NAALADL2: variants seen among roughly 807,000 people sequenced by gnomAD.
The protein encoded by NAALADL2 is N-acetylated alpha-linked acidic dipeptidase like 2.
In NAALADL2, 76 loss-of-function variants were observed where a neutral mutation model predicts 87.2. The observed-to-expected ratio is 0.87, with a 90% CI of 0.72 to 1.05. NAALADL2 has a LOEUF of 1.05. Among genes scored for constraint, NAALADL2 ranks in the 50% least tolerant of loss-of-function variants. The pLI, the probability that NAALADL2 is intolerant of heterozygous loss-of-function variation, is 0.00. For missense variants in NAALADL2, 1,089 were observed against 945.8 expected (o/e 1.15, Z -1.99); for synonymous variants, 354 against 331.0 (o/e 1.07, Z -0.75).
intron 1 of NAALADL2, among the ~76,000 whole-genome samples, chr3:174,447,227 G>T (rs1715125561): frequency 2.0e-5 from 3 of 152,032 alleles, no homozygotes; most frequent in Admixed American, 1.3e-4. Context: ...TATCTTCTAA[G>T]AATTTTTCCA....
At chr3:175,416,359 T>C (rs773393836) in intron 5 of NAALADL2, among the ~76,000 whole-genome samples, 1 of 152,160 alleles carries the variant, frequency 6.6e-6, no homozygotes, top group African/African-American at 2.4e-5. Flanking sequence ...AGTTTTTTAA[T>C]TGGATATAGC....
intron 5 of NAALADL2, among the ~76,000 whole-genome samples, chr3:175,379,542 T>C (rs558288083): frequency 1.3e-5 from 2 of 151,884 alleles, no homozygotes; most frequent in African/African-American, 2.4e-5. Context: ...TTTTTTTTTT[T>C]CCTTTTTTTA....
At chr3:174,648,083 AG>A (rs1488322039) in intron 2 of NAALADL2, among the ~76,000 whole-genome samples, 1 of 152,196 alleles carries the variant, frequency 6.6e-6, no homozygotes, top group East Asian at 1.9e-4. Context: ...AAAAAGAAAA[AG>A]GGGAAGTACA....
At chr3:174,827,627 T>C (rs1722150209) in intron 3 of NAALADL2, among the ~76,000 whole-genome samples, 1 of 152,240 alleles carries the variant, frequency 6.6e-6, no homozygotes. Context: ...TATGCAACTT[T>C]ATTTATCTCT....
chr3:174,620,965 C>G (rs997952351), intron 2 of NAALADL2, among the ~76,000 whole-genome samples: 2 of 151,960 alleles, frequency 1.3e-5, no homozygotes, highest in Non-Finnish European at 2.9e-5. Flanking sequence ...ATTTTTGACA[C>G]TTTATTTTAC....
At chr3:174,813,149 C>A (rs1441308311) in intron 3 of NAALADL2, among the ~76,000 whole-genome samples, 1 of 152,126 alleles carries the variant, frequency 6.6e-6, no homozygotes, top group Non-Finnish European at 1.5e-5. Flanking sequence ...GTGTCCTATA[C>A]AGGTGTACTG....
chr3:175,327,921 A>T (rs576304362), intron 5 of NAALADL2, among the ~76,000 whole-genome samples: 7 of 152,328 alleles, frequency 4.6e-5, no homozygotes, highest in African/African-American at 1.7e-4. Flanking sequence ...TGCATAATAG[A>T]TGGTGATGGC....
chr3:175,410,544 G>C (rs1713310643), intron 5 of NAALADL2, among the ~76,000 whole-genome samples: 1 of 151,928 alleles, frequency 6.6e-6, no homozygotes, highest in Non-Finnish European at 1.5e-5. Flanking sequence ...AAAGCACTGG[G>C]AAACGTGAGC....
intron 1 of NAALADL2, among the ~76,000 whole-genome samples, chr3:174,950,684 TG>T (rs1740211794): frequency 6.6e-6 from 1 of 152,094 alleles, no homozygotes; most frequent in Non-Finnish European, 1.5e-5. Flanking sequence ...TTGTTTTAAT[TG>T]TCAATAATTT....
At chr3:175,137,767 TTTG>T (rs1182424609) in intron 2 of NAALADL2, among the ~76,000 whole-genome samples, 1 of 10,870 alleles carries the variant, frequency 9.2e-5, no homozygotes, top group Non-Finnish European at 3.8e-4. Flanking sequence ...CCCAGCTAAG[TTTG>T]TTTTGTTTTG....
chr3:175,803,229 T>C lies in NAALADL2; in HGVS notation c.*26T>C. 2 of 1,528,338 alleles carry C rather than the reference T, an allele frequency of 1.3e-6. No individual in the cohort carries two copies. The highest frequency in any genetic ancestry group is 1.8e-6 in the Non-Finnish European group (2 of 1,127,518). The allele number at this position is 1,528,338 out of a possible 1,614,324, so 94.7% of individuals were successfully genotyped here. ...GAAAACTCTGAGCATTTTTAAAAGTTTGTTTACAATTCCACAAGCAAAAGC... is the reference window on the plus strand; with the variant it reads ...GAAAACTCTGAGCATTTTTAAAAGTCTGTTTACAATTCCACAAGCAAAAGC... On this transcript the variant is annotated 3_prime_UTR_variant, in exon 14 of 14. Coordinates refer to ENST00000454872, the MANE Select transcript of NAALADL2 (RefSeq NM_207015.3).
intron 1 of NAALADL2, among the ~76,000 whole-genome samples, chr3:174,513,901 C>A (rs1719761772): frequency 6.6e-6 from 1 of 152,192 alleles, no homozygotes; most frequent in Non-Finnish European, 1.5e-5. Flanking sequence ...CCTTCAGCGT[C>A]ATGTCTTGCC....
At chr3:175,566,001 T>C (rs1418326643) in intron 9 of NAALADL2, among the ~76,000 whole-genome samples, 1 of 151,970 alleles carries the variant, frequency 6.6e-6, no homozygotes, top group African/African-American at 2.4e-5. Context: ...AGCTAATTTT[T>C]GTATTTTTAG....
chr3:174,533,526 G>C (rs1274540154), intron 1 of NAALADL2, among the ~76,000 whole-genome samples: 1 of 151,774 alleles, frequency 6.6e-6, no homozygotes, highest in Non-Finnish European at 1.5e-5. Context: ...CCACAAAAAT[G>C]CTGGTGAATA....
At chr3:174,806,360 G>A (rs759394523) in intron 3 of NAALADL2, among the ~76,000 whole-genome samples, 2 of 152,186 alleles carry the variant, frequency 1.3e-5, no homozygotes, top group African/African-American at 4.8e-5. Flanking sequence ...GGGCCAAGAA[G>A]GCCAGGTCTT....
chr3:175,736,480 A>C, intron 11 of NAALADL2, among the ~76,000 whole-genome samples: 1 of 152,340 alleles, frequency 6.6e-6, no homozygotes, highest in Middle Eastern at 3.4e-3. Flanking sequence ...CACACCAAAC[A>C]AAGAGTCTGT....
chr3:175,078,256 C>A (rs1204644400), intron 1 of NAALADL2, among the ~76,000 whole-genome samples: 2 of 152,072 alleles, frequency 1.3e-5, no homozygotes, highest in African/African-American at 4.8e-5. Flanking sequence ...AACTCCCGAC[C>A]TCAAGTGATC....
chr3:174,754,814 C>G (rs1230232983), intron 3 of NAALADL2, among the ~76,000 whole-genome samples: 2 of 152,146 alleles, frequency 1.3e-5, no homozygotes, highest in Non-Finnish European at 2.9e-5. Context: ...AGCTGACACT[C>G]TCATTAATAA....
intron 2 of NAALADL2, among the ~76,000 whole-genome samples, chr3:175,162,442 T>A (rs1264440244): frequency 1.3e-5 from 2 of 152,114 alleles, no homozygotes; most frequent in African/African-American, 4.8e-5. Context: ...TAAGAGGCAG[T>A]GTTGTGGAAT....
Sources: allele counts gnomAD v4.1 joint callset (sites outside exome capture counted in the v4.1 genomes callset), GRCh38; gene constraint gnomAD v4.1.1; transcripts MANE v1.5; gene names NCBI Gene and HGNC (gene_info 2026-07-23, HGNC 2026-07-21).